FOXP2: variants seen among roughly 807,000 people sequenced by gnomAD.
FOXP2 encodes the protein forkhead box protein P2.
FOXP2 carries 12 observed loss-of-function variants against 115.8 expected under a neutral mutation model. That is an observed-to-expected ratio of 0.10 (90% CI 0.07 to 0.17). FOXP2 has a LOEUF of 0.17. Among genes scored for constraint, FOXP2 ranks in the 10% least tolerant of loss-of-function variants. The pLI, the probability that FOXP2 is intolerant of heterozygous loss-of-function variation, is 1.00. For synonymous variants in FOXP2, 328 were observed against 297.7 expected, an observed-to-expected ratio of 1.10 and a Z score of -1.05; for missense variants, 629 against 843.5, an observed-to-expected ratio of 0.75 and a Z score of 3.15.
intron 6 of FOXP2, among the ~76,000 whole-genome samples, chr7:114,632,348 A>G (rs149887795): frequency 1.7e-3 from 262 of 152,322 alleles, no homozygotes; most frequent in African/African-American, 6.0e-3. Context: ...TGATAATACA[A>G]TTGTGTGTCA....
In FOXP2 at chr7:114,365,391, T is replaced by C. The variant is rs564979579; in HGVS notation, c.-10-61111T>C. Among the ~76,000 whole-genome samples the C allele has an allele frequency of 6.6e-4, 100 of 152,258 alleles. 1 individual carries two copies. The highest frequency in any genetic ancestry group is 2.4e-3 in the African/African-American group (99 of 41,578). On this transcript the variant is annotated intron_variant, in intron 2 of 17. Coordinates refer to the FOXP2 transcript ENST00000634411. ...ATAGAATGTACACAGAGAATTCCTG[T>C]TAGACTCAAAATGGCTCTTTTGAAC...
intron 1 of FOXP2, among the ~76,000 whole-genome samples, chr7:114,124,307 C>A (rs1287728133): frequency 6.6e-6 from 1 of 152,038 alleles, no homozygotes; most frequent in Non-Finnish European, 1.5e-5. Context: ...TCATACCAAT[C>A]TCCAGATTTG....
chr7:114,241,746 AT>A (rs34087660), intron 1 of FOXP2, among the ~76,000 whole-genome samples: 15 of 148,974 alleles, frequency 1.0e-4, no homozygotes, highest in African/African-American at 3.4e-4. Context: ...GAAGCCACGT[AT>A]TTTTTTTTTA....
At chr7:114,657,430 AG>A (rs1253361100) in intron 10 of FOXP2, among the ~76,000 whole-genome samples, 2 of 152,212 alleles carry the variant, frequency 1.3e-5, no homozygotes, top group Non-Finnish European at 2.9e-5. Context: ...ATTGTTAGTG[AG>A]GAAATTCCAT....
intron 13 of FOXP2, 35 bp downstream of exon 13, chr7:114,659,708 C>A (rs1310672960): frequency 6.7e-7 from 1 of 1,492,668 alleles, no homozygotes; most frequent in South Asian, 1.1e-5. Flanking sequence ...AGATGCCTAC[C>A]ACAGTTCCTT....
At chr7:114,176,194 G>C (rs1030013343) in intron 1 of FOXP2, among the ~76,000 whole-genome samples, 3 of 138,938 alleles carry the variant, frequency 2.2e-5, no homozygotes. Context: ...GTCTTGTCTT[G>C]TCTTGTCTTG....
At chr7:114,620,572 A>G (rs1804195550) in intron 3 of FOXP2, among the ~76,000 whole-genome samples, 2 of 152,108 alleles carry the variant, frequency 1.3e-5, no homozygotes. Context: ...CTTTTCAGAC[A>G]GGATGAGCAA....
At chr7:114,684,789 A>G (rs544426461) in intron 16 of FOXP2, among the ~76,000 whole-genome samples, 13 of 152,324 alleles carry the variant, frequency 8.5e-5, no homozygotes, top group African/African-American at 2.9e-4. Flanking sequence ...AACTTTCACA[A>G]GTAATCTCAT....
intron 2 of FOXP2, among the ~76,000 whole-genome samples, chr7:114,487,175 G>T (rs1260464965): frequency 2.0e-5 from 3 of 152,212 alleles, no homozygotes; most frequent in Admixed American, 6.5e-5. Context: ...AATCTAGGCA[G>T]AGGTTCCCAA....
At chr7:114,397,333 G>A (rs77778080) in intron 2 of FOXP2, among the ~76,000 whole-genome samples, 139 of 152,242 alleles carry the variant, frequency 9.1e-4, no homozygotes, top group Non-Finnish European at 1.7e-3. Flanking sequence ...GCAGAATAGA[G>A]CATTGAACAA....
At chr7:114,212,576 GTTTGACATTTAAAATTCAACTTTC>G (rs1794387158) in intron 1 of FOXP2, among the ~76,000 whole-genome samples, 1 of 151,704 alleles carries the variant, frequency 6.6e-6, no homozygotes, top group South Asian at 2.1e-4. Flanking sequence ...AAAACAAGGA[GTTTGACATTTAAAATTCAACTTTC>G]AAGTGTGTTC....
At position 114,688,208 on chromosome 7, in the gene FOXP2, T is replaced by TACACACACAC. The variant is rs56751704; in HGVS notation, c.2004-1544_2004-1535dup. The stretch of plus-strand genomic sequence containing the variant: ...ACACACAAACACATGCATACATGCA[T>TACACACACAC]ACACACACACACACACACACACACA... On this transcript the variant is annotated intron_variant, in intron 16 of 16. Transcript: ENST00000350908. Among the ~76,000 whole-genome samples, 465 of 115,348 alleles carry TACACACACAC rather than the reference T, an allele frequency of 4.0e-3. 7 individuals carry two copies. The highest frequency in any genetic ancestry group is 0.014 in the South Asian group (47 of 3,262). The allele number at this position is 115,348 out of a possible 152,430, so 75.7% of individuals were successfully genotyped here. A position where few individuals can be genotyped will look rare whatever the true frequency, so the allele number is the denominator to read the frequency against.
At position 114,587,879 on chromosome 7, in the gene FOXP2, A is replaced by ATATATATATATATATAAAGGTGCC; in HGVS notation, c.259-40661_259-40660insTATATATATATATATAAAGGTGCC. On this transcript the variant is annotated intron_variant, in intron 3 of 16. Coordinates refer to ENST00000350908, the MANE Select transcript of FOXP2 (RefSeq NM_014491.4). ...CTAATTGGGTGAATAAGAGATAATT[A>ATATATATATATATATAAAGGTGCC]AATCCACCTTTCTTAGTGCCTTATT... is the stretch of plus-strand genomic sequence containing the variant. Among the ~76,000 whole-genome samples, 242 of 76,870 alleles carry ATATATATATATATATAAAGGTGCC rather than the reference A, an allele frequency of 3.1e-3. 71 individuals are homozygous for ATATATATATATATATAAAGGTGCC. Among genetic ancestry groups the ATATATATATATATATAAAGGTGCC allele is most frequent in the Non-Finnish European group, 6.1e-3 (205 of 33,860 alleles). 50.4% of individuals were successfully genotyped at this position (76,870 alleles called of 152,430 possible).
At chr7:114,420,279 CA>C (rs1052271941) in intron 1 of FOXP2, among the ~76,000 whole-genome samples, 1 of 151,896 alleles carries the variant, frequency 6.6e-6, no homozygotes, top group Non-Finnish European at 1.5e-5. Context: ...TAAGTGGACC[CA>C]CTGCATGGAA....
intron 16 of FOXP2, among the ~76,000 whole-genome samples, chr7:114,670,643 G>A (rs1195581959): frequency 6.6e-6 from 1 of 152,008 alleles, no homozygotes; most frequent in African/African-American, 2.4e-5. Context: ...GAAAACATAA[G>A]TATATAATAT....
intron 2 of FOXP2, among the ~76,000 whole-genome samples, chr7:114,317,661 A>G (rs893100352): frequency 6.6e-6 from 1 of 152,196 alleles, no homozygotes; most frequent in Admixed American, 6.5e-5. Flanking sequence ...AGATTCTTTT[A>G]AAATTCAAAT....
intron 2 of FOXP2, chr7:114,498,747 C>G: frequency 1.5e-6 from 1 of 665,452 alleles, no homozygotes; most frequent in Admixed American, 2.3e-5. Flanking sequence ...ATAAGCTATT[C>G]AGCAGCATCT....
intron 2 of FOXP2, among the ~76,000 whole-genome samples, chr7:114,480,620 T>C (rs1415065448): frequency 6.7e-6 from 1 of 148,268 alleles, no homozygotes; most frequent in Non-Finnish European, 1.5e-5. Context: ...TATAAACATA[T>C]ATACATGTAT....
chr7:114,327,935 A>G (rs1309487483), intron 2 of FOXP2, among the ~76,000 whole-genome samples: 1 of 138,442 alleles, frequency 7.2e-6, no homozygotes, highest in Non-Finnish European at 1.6e-5. Context: ...TTCTATTTTA[A>G]TTTTTGATAG....
Sources: gnomAD v4.1 joint callset for allele counts (sites outside exome capture counted in the v4.1 genomes callset) on GRCh38, gnomAD v4.1.1 for gene constraint, MANE v1.5 for transcripts, NCBI Gene and HGNC (gene_info 2026-07-23, HGNC 2026-07-21) for gene names.